The following ABHD4 variants were observed in gnomAD, a reference collection of about 807,000 sequenced individuals.
ABHD4 encodes the protein (Lyso)-N-acylphosphatidylethanolamine lipase.
In ABHD4, 35 loss-of-function variants were observed where a neutral mutation model predicts 42.3. That is an observed-to-expected ratio of 0.83 (90% confidence interval 0.63 to 1.10). The LOEUF (loss-of-function observed/expected upper bound fraction) is 1.10. Ranked by LOEUF, ABHD4 falls within the 50% of genes least tolerant of loss-of-function variation. The probability of loss-of-function intolerance (pLI) is 0.00; values close to 1 mark genes in which losing one functional copy is unlikely to be tolerated. For synonymous variants in ABHD4, 169 were observed against 170.6 expected, an observed-to-expected ratio of 0.99 and a Z score of 0.07; for missense variants, 389 against 454.8, an observed-to-expected ratio of 0.86 and a Z score of 1.32.
At chr14:22,598,491 T>C in intron 1 of ABHD4, 162 bp downstream of exon 1, 1 of 1,531,800 alleles carries the variant, frequency 6.5e-7, no homozygotes, top group Non-Finnish European at 8.8e-7. Context: ...TGCTTTGCAT[T>C]TGCCCAGAAG....
chr14:22,602,145 C>T (rs1390420606), intron 2 of ABHD4, among the ~76,000 whole-genome samples: 1 of 152,098 alleles, frequency 6.6e-6, no homozygotes, highest in Non-Finnish European at 1.5e-5. Context: ...GATCCTTGGC[C>T]AGCAATCTTG....
intron 2 of ABHD4, 85 bp from the exon 3 acceptor site, chr14:22,603,305 G>A: frequency 1.9e-6 from 3 of 1,542,334 alleles, no homozygotes; most frequent in Non-Finnish European, 2.7e-6. Flanking sequence ...GGAATGGAGA[G>A]AATGTGAAGA....
Position 22,601,676 on chromosome 14 carries a change from C to T in ABHD4, c.33C>T (p.Gly11=), listed in dbSNP as rs1186546012. MADDLEQQSQ[G]WLSSWLPTWR... ...TGTCTCCTCCTCCCAGGTCTCAAGGCTGGCTGAGTAGCTGGCTGCCCACGT... is the reference window on the plus strand; with the variant it reads ...TGTCTCCTCCTCCCAGGTCTCAAGGTTGGCTGAGTAGCTGGCTGCCCACGT... Residue 11 remains glycine, a synonymous_variant, in exon 2 of 7, where the codon GGC becomes GGT. Coordinates refer to ENST00000428304, the MANE Select transcript of ABHD4 (RefSeq NM_022060.3). The T allele has an allele frequency of 1.2e-5, 20 of 1,614,134 alleles. No individual in the cohort carries two copies. The highest frequency in any genetic ancestry group is 1.7e-5 in the Non-Finnish European group (20 of 1,179,978).
chr14:22,609,352 A>G (rs1291574598), intron 5 of ABHD4, among the ~76,000 whole-genome samples: 1 of 151,978 alleles, frequency 6.6e-6, no homozygotes, highest in Non-Finnish European at 1.5e-5. Context: ...CTTAATGCCT[A>G]CCTCCCTAAC....
intron 4 of ABHD4, chr14:22,605,663 A>G (rs2037341080): frequency 1.2e-5 from 5 of 429,118 alleles, no homozygotes; most frequent in Non-Finnish European, 2.3e-5. Flanking sequence ...CAGAGCTATC[A>G]TAGTTGGGGA....
At chr14:22,604,824 G>A (rs1376808596) in intron 4 of ABHD4, among the ~76,000 whole-genome samples, 2 of 151,340 alleles carry the variant, frequency 1.3e-5, no homozygotes, top group African/African-American at 4.9e-5. Flanking sequence ...TGGCTAGGCT[G>A]GTCTTGAACT....
intron 5 of ABHD4, among the ~76,000 whole-genome samples, chr14:22,607,305 TC>T (rs2139270632): frequency 6.6e-6 from 1 of 152,146 alleles, no homozygotes; most frequent in African/African-American, 2.4e-5. Context: ...AGGGAGGTAA[TC>T]CTCTTATGTG....
chr14:22,599,872 G>A (rs1050969287), intron 1 of ABHD4, among the ~76,000 whole-genome samples: 2 of 152,148 alleles, frequency 1.3e-5, no homozygotes, highest in Non-Finnish European at 1.5e-5. Flanking sequence ...GGATTAGATC[G>A]ATTGATATTG....
At chr14:22,605,858 T>C (rs2037343343) in intron 4 of ABHD4, 1 of 1,285,444 alleles carries the variant, frequency 7.8e-7, no homozygotes, top group South Asian at 1.2e-5. Context: ...TTACAGTCTG[T>C]TGTTGCATGT....
At chr14:22,609,538 C>G in intron 5 of ABHD4, 186 bp from the exon 6 acceptor site, 1 of 573,916 alleles carries the variant, frequency 1.7e-6, no homozygotes, top group South Asian at 2.5e-5. Flanking sequence ...AGTGTTCCTC[C>G]GAACTCTTCT....
At position 22,604,038 on chromosome 14, in the gene ABHD4, G is replaced by C; in HGVS notation, c.599G>C (p.Arg200Pro). 6.2e-7 allele frequency: 1 copy of C among 1,614,146 alleles called. No individual in the cohort carries two copies. The highest frequency in any genetic ancestry group is 8.5e-7 in the Non-Finnish European group (1 of 1,179,986). The change falls in exon 4 of 7, where the codon CGT becomes CCT. Residue 200 changes from arginine (R) to proline (P), a missense_variant. Physicochemically the swap from Arg to Pro is moderately radical, Grantham distance 103. This residue lies in a region of ABHD4 where 249 missense variants were observed against 254.4 expected (regional missense o/e 0.98). Transcript: ENST00000428304. ...AAAGCCGTGGCATCTGTCCTAGGACGTTCCAATCCATTGGCTGTTCTTCGA... is the reference window on the plus strand; with the variant it reads ...AAAGCCGTGGCATCTGTCCTAGGACCTTCCAATCCATTGGCTGTTCTTCGA... The part of the protein sequence containing the change: ...WVKAVASVLG[R>P]SNPLAVLRVA...
intron 5 of ABHD4, among the ~76,000 whole-genome samples, chr14:22,609,080 C>A (rs1160475432): frequency 6.6e-6 from 1 of 152,060 alleles, no homozygotes; most frequent in East Asian, 1.9e-4. Context: ...TCACTGCAAC[C>A]TCTGTCTCCC....
At chr14:22,599,907 T>C (rs2037262681) in intron 1 of ABHD4, among the ~76,000 whole-genome samples, 1 of 152,206 alleles carries the variant, frequency 6.6e-6, no homozygotes, top group Non-Finnish European at 1.5e-5. Flanking sequence ...GCTAAAACCA[T>C]TGATGTATCA....
At chr14:22,605,921 AG>A in intron 4 of ABHD4, 1 of 951,826 alleles carries the variant, frequency 1.1e-6, no homozygotes, top group Non-Finnish European at 1.5e-6. Flanking sequence ...CAGTGCCCTG[AG>A]TCTGAGACAC....
intron 5 of ABHD4, 101 bp downstream of exon 5, chr14:22,606,634 C>CT: frequency 1.2e-6 from 1 of 814,306 alleles, no homozygotes; most frequent in Middle Eastern, 3.3e-4. Context: ...CAACAAAGCT[C>CT]TGACTCAGTT....
chr14:22,604,660 T>C (rs1007036905), intron 4 of ABHD4, among the ~76,000 whole-genome samples: 2 of 150,388 alleles, frequency 1.3e-5, no homozygotes, highest in African/African-American at 4.9e-5. Context: ...CCCAGGCTGA[T>C]GTGCAGTGGT....
At position 22,606,434 on chromosome 14, in the gene ABHD4, T is replaced by TG. The variant is rs1459019590; in HGVS notation, c.654dup (p.Gln219AlafsTer16). 6.2e-7 allele frequency: 1 copy of TG among 1,611,944 alleles called. No homozygotes were observed. Among genetic ancestry groups the TG allele is most frequent in the South Asian group, 1.1e-5 (1 of 90,356 alleles). Reference sequence around the variant, plus strand: ...TATCCCCTCCCAGGGCCTGGTCTGGTGCAGCGATTCCGGCCGGACTTCAAA... The same window carrying TG: ...TATCCCCTCCCAGGGCCTGGTCTGGTGGCAGCGATTCCGGCCGGACTTCAAA... On this transcript the variant is annotated frameshift_variant, in exon 5 of 7. Transcript: ENST00000428304. LOFTEE classifies it high-confidence loss of function.
At chr14:22,601,107 C>G (rs1192809951) in intron 1 of ABHD4, among the ~76,000 whole-genome samples, 2 of 152,178 alleles carry the variant, frequency 1.3e-5, no homozygotes, top group Admixed American at 1.3e-4. Context: ...CTCCTCCCTG[C>G]CTACCCCATC....
Position 22,606,535 on chromosome 14 carries a change from T to G in ABHD4, c.752+2T>G. The stretch of plus-strand genomic sequence containing the variant: ...CCACTGCAACGCACAGAATCCCAGG[T>G]GAGGGCCGCTCCCCAGGCCAGCTTG... On this transcript the variant is annotated splice_donor_variant, in intron 5 of 6. Transcript: ENST00000428304. LOFTEE classifies it high-confidence loss of function. 1.2e-6 allele frequency: 2 copies of G among 1,603,882 alleles called. No homozygotes were observed. Among genetic ancestry groups the G allele is most frequent in the Non-Finnish European group, 1.7e-6 (2 of 1,172,444 alleles).
Sources: allele counts gnomAD v4.1 joint callset (sites outside exome capture counted in the v4.1 genomes callset), GRCh38; gene constraint gnomAD v4.1.1; regional missense constraint gnomAD v4.1.1; transcripts MANE v1.5; gene names NCBI Gene and HGNC (gene_info 2026-07-23, HGNC 2026-07-21).